Variants in PTER observed in about 807,000 individuals in gnomAD.
PTER encodes the protein phosphotriesterase related, also known as N-acetyltaurine hydrolase.
Under a neutral mutation model 29.6 loss-of-function variants are expected in PTER, and 38 were observed. The observed-to-expected ratio is 1.28, with a 90% confidence interval of 0.99 to 1.68. PTER has a LOEUF of 1.68. Among genes scored for constraint, PTER ranks in the 40% most tolerant of loss-of-function variants. The probability of loss-of-function intolerance (pLI) is 0.00; values close to 1 mark genes in which losing one functional copy is unlikely to be tolerated. For synonymous variants in PTER, 172 were observed against 154.5 expected, an observed-to-expected ratio of 1.11 and a Z score of -0.84; for missense variants, 482 against 427.8, an observed-to-expected ratio of 1.13 and a Z score of -1.12.
At chr10:16,486,648 A>G in intron 3 of PTER, 31 bp downstream of exon 3, 10 of 1,581,786 alleles carry the variant, frequency 6.3e-6, no homozygotes, top group Non-Finnish European at 8.6e-6. Context: ...ATGGATGCAA[A>G]CTGCCATATA....
At chr10:16,451,825 C>A (rs565308614) in intron 1 of PTER, among the ~76,000 whole-genome samples, 9 of 152,260 alleles carry the variant, frequency 5.9e-5, no homozygotes, top group African/African-American at 2.2e-4. Flanking sequence ...AAAAGGATTT[C>A]TTTCATAGAT....
intron 1 of PTER, among the ~76,000 whole-genome samples, chr10:16,451,283 CA>C (rs2133373623): frequency 6.6e-6 from 1 of 152,302 alleles, no homozygotes; most frequent in South Asian, 2.1e-4. Context: ...GTGGGTCTGC[CA>C]CTCCCCGTCC....
chr10:16,518,531 C>G (rs1836987757), downstream of PTER, among the ~76,000 whole-genome samples: 1 of 152,218 alleles, frequency 6.6e-6, no homozygotes, highest in Non-Finnish European at 1.5e-5. Context: ...ATTTTAAAAA[C>G]AAAACGCACA....
intron 3 of PTER, among the ~76,000 whole-genome samples, chr10:16,495,401 C>T (rs1836057774): frequency 6.6e-6 from 1 of 152,172 alleles, no homozygotes; most frequent in South Asian, 2.1e-4. Flanking sequence ...AACTATCGAC[C>T]TCAAGTGATC....
intron 1 of PTER, among the ~76,000 whole-genome samples, chr10:16,453,918 G>A (rs1446107183): frequency 6.6e-6 from 1 of 152,134 alleles, no homozygotes; most frequent in Non-Finnish European, 1.5e-5. Context: ...AAATCACTTT[G>A]TTCCACTCCC....
chr10:16,488,111 G>T (rs1835769839), intron 3 of PTER, among the ~76,000 whole-genome samples: 1 of 152,178 alleles, frequency 6.6e-6, no homozygotes, highest in Admixed American at 6.5e-5. Context: ...TAGGATAAAG[G>T]TAATTCTCCT....
At chr10:16,475,996 T>C (rs1448887595) in intron 1 of PTER, 1 of 152,246 alleles carries the variant, frequency 6.6e-6, no homozygotes, top group Non-Finnish European at 1.5e-5. Flanking sequence ...TGTATAATCA[T>C]AATCCTATTG....
intron 3 of PTER, among the ~76,000 whole-genome samples, chr10:16,498,404 C>T (rs182969381): frequency 1.1e-3 from 166 of 152,116 alleles, no homozygotes; most frequent in Non-Finnish European, 2.0e-3. Flanking sequence ...GCCAACATGG[C>T]GAAACCCTAT....
At chr10:16,482,511 C>T (rs1015762831) in intron 1 of PTER, among the ~76,000 whole-genome samples, 6 of 152,102 alleles carry the variant, frequency 3.9e-5, no homozygotes, top group Admixed American at 1.3e-4. Flanking sequence ...TTTATTTTTA[C>T]GACAGTCTAT....
At chr10:16,454,025 T>A (rs570654762) in intron 1 of PTER, among the ~76,000 whole-genome samples, 2 of 152,226 alleles carry the variant, frequency 1.3e-5, no homozygotes, top group South Asian at 4.1e-4. Flanking sequence ...ATGCAGTTGG[T>A]AAAGTTTTAG....
At chr10:16,484,947 T>C in intron 2 of PTER, 131 bp downstream of exon 2, 3 of 1,041,066 alleles carry the variant, frequency 2.9e-6, no homozygotes, top group Admixed American at 3.3e-5. Context: ...CATCTGCCAG[T>C]TGGGGCCCCA....
rs150732442 is a variant in PTER, at chr10:16,477,304, A to ATAGATGTC, written c.-48-7032_-48-7031insAGATGTCT. On this transcript the variant is annotated intron_variant, in intron 1 of 4. Transcript: ENST00000535784. ...GATAGATAGATAGATAGATAGATGG[A>ATAGATGTC]TGTCTGTCTGTCTGCACATGCATGT... 5.9e-5 allele frequency among the ~76,000 whole-genome samples: 9 copies of ATAGATGTC among 151,592 alleles called. No homozygotes were observed. The South Asian group carries it at 1.0e-3, about 18-fold the overall frequency.
At chr10:16,441,470 T>C (rs1389000609) in intron 1 of PTER, among the ~76,000 whole-genome samples, 1 of 152,220 alleles carries the variant, frequency 6.6e-6, no homozygotes, top group Non-Finnish European at 1.5e-5. Context: ...ACTTAGGTTT[T>C]GCTGTTAATG....
intron 4 of PTER, among the ~76,000 whole-genome samples, chr10:16,508,652 G>A (rs796339354): frequency 6.6e-6 from 1 of 151,700 alleles, no homozygotes; most frequent in African/African-American, 2.4e-5. Flanking sequence ...CTGGATGTAT[G>A]GAAATAATAA....
chr10:16,456,870 G>GGGGC (rs145411927), intron 1 of PTER, among the ~76,000 whole-genome samples: 3 of 149,456 alleles, frequency 2.0e-5, no homozygotes, highest in Non-Finnish European at 3.0e-5. Flanking sequence ...GGTGGGGGGG[G>GGGGC]GTTCCGCCAT....
At chr10:16,486,892 C>T in intron 3 of PTER, 1 of 333,012 alleles carries the variant, frequency 3.0e-6, no homozygotes, top group Non-Finnish European at 5.5e-6. Flanking sequence ...TCCTTTATAA[C>T]TCATAACAGG....
At chr10:16,458,813 A>G (rs552437275) in intron 1 of PTER, among the ~76,000 whole-genome samples, 7 of 152,170 alleles carry the variant, frequency 4.6e-5, no homozygotes, top group East Asian at 3.9e-4. Flanking sequence ...AGACACAAGA[A>G]GCGTGAGTCC....
rs561887103 is a variant in PTER, at chr10:16,484,738, C to A, written c.354C>A (p.Gly118=). The stretch of plus-strand genomic sequence containing the variant: ...TGAAGAGGCTTGCAGAAGAGACTGG[C>A]GTCCATATCATATCTGGAGCCGGGT... ...QTLKRLAEET[G]VHIISGAGFY... Residue 118 remains glycine (G), a synonymous_variant, in exon 2 of 5, where the codon GGC becomes GGA. Transcript: ENST00000535784. The A allele has an allele frequency of 5.0e-6, 8 of 1,613,950 alleles. No homozygotes were observed. In the African/African-American group the frequency reaches 6.7e-5, roughly 13 times the overall value.
In PTER at chr10:16,505,101, A is replaced by G; in HGVS notation, c.780A>G (p.Leu260=). The change falls in exon 4 of 5, where the codon CTA becomes CTG. Residue 260 remains leucine (L), a synonymous_variant. Coordinates refer to ENST00000535784, the MANE Select transcript of PTER (RefSeq NM_001261836.2). Reference sequence around the variant, plus strand: ...AATATGATCTCTTTGGTACTGAACTACTTCATTACCAACTCGGCCCAGATA... The same window carrying G: ...AATATGATCTCTTTGGTACTGAACTGCTTCATTACCAACTCGGCCCAGATA... The part of the protein sequence containing the change: ...YLEYDLFGTE[L]LHYQLGPDID... 6.2e-7 allele frequency: 1 copy of G among 1,614,014 alleles called. No homozygotes were observed. The highest frequency in any genetic ancestry group is 8.5e-7 in the Non-Finnish European group (1 of 1,179,930).
Sources: allele counts gnomAD v4.1 joint callset (sites outside exome capture counted in the v4.1 genomes callset), GRCh38; gene constraint gnomAD v4.1.1; transcripts MANE v1.5; gene names NCBI Gene and HGNC (gene_info 2026-07-23, HGNC 2026-07-21).